Variants in PLEKHA8 observed in about 807,000 individuals in gnomAD.
PLEKHA8 encodes the protein pleckstrin homology domain-containing family A member 8.
Under a neutral mutation model 68.2 loss-of-function variants are expected in PLEKHA8, and 36 were observed. The observed-to-expected ratio is 0.53, with a 90% CI of 0.40 to 0.70. PLEKHA8 has a LOEUF of 0.70. Ranked by LOEUF, PLEKHA8 falls within the 30% of genes least tolerant of loss-of-function variation. PLEKHA8 has a pLI of 0.00. For missense variants in PLEKHA8, 505 were observed against 615.4 expected, an observed-to-expected ratio of 0.82 and a Z score of 1.90; for synonymous variants, 211 against 216.1, an observed-to-expected ratio of 0.98 and a Z score of 0.20.
downstream of PLEKHA8, chr7:30,130,414 G>A (rs974216342): frequency 1.3e-5 from 2 of 152,146 alleles, no homozygotes; most frequent in African/African-American, 4.8e-5. Flanking sequence ...TGAAAATACG[G>A]GCAAGGGGGA....
At chr7:30,056,383 TA>T (rs1308855063) in intron 9 of PLEKHA8, among the ~76,000 whole-genome samples, 11 of 142,400 alleles carry the variant, frequency 7.7e-5, no homozygotes, top group East Asian at 4.0e-4. Flanking sequence ...ATAACATATA[TA>T]TAATATATAT....
chr7:30,056,356 AAC>A (rs1350450565), intron 9 of PLEKHA8, among the ~76,000 whole-genome samples: 1 of 129,372 alleles, frequency 7.7e-6, no homozygotes. Context: ...TAATATATAT[AAC>A]ACATATATAT....
In PLEKHA8 at chr7:30,034,010, C is replaced by G. The variant is rs1191912214; in HGVS notation, c.40+5208C>G. 8.7e-5 allele frequency among the ~76,000 whole-genome samples: 3 copies of G among 34,660 alleles called. No individual in the cohort carries two copies. The Admixed American group carries it at 1.6e-3, about 19-fold the overall frequency. The allele number at this position is 34,660 out of a possible 152,430, so 22.7% of individuals were successfully genotyped here. A position where few individuals can be genotyped will look rare whatever the true frequency, so the allele number is the denominator to read the frequency against. On this transcript the variant is annotated intron_variant, in intron 1 of 13. Transcript: ENST00000449726. Reference sequence around the variant, plus strand: ...TTCATTACAGAGTTGTAAGAGGTTTCTTTTTTTTTTTTTTTTTTTTTTTTT... The same window carrying G: ...TTCATTACAGAGTTGTAAGAGGTTTGTTTTTTTTTTTTTTTTTTTTTTTTT...
intron 7 of PLEKHA8, among the ~76,000 whole-genome samples, chr7:30,054,478 A>T (rs538914161): frequency 1.3e-5 from 2 of 152,324 alleles, no homozygotes; most frequent in African/African-American, 4.8e-5. Flanking sequence ...GGGTTGAATG[A>T]TAATGAAAAT....
chr7:30,092,602 C>G (rs1795461291), downstream of PLEKHA8, among the ~76,000 whole-genome samples: 1 of 152,206 alleles, frequency 6.6e-6, no homozygotes, highest in Non-Finnish European at 1.5e-5. Flanking sequence ...ATTCTCCATA[C>G]TCCGGAGGAC....
At chr7:30,055,446 C>T in intron 9 of PLEKHA8, 104 bp downstream of exon 9, 1 of 987,846 alleles carries the variant, frequency 1.0e-6, no homozygotes, top group Non-Finnish European at 1.6e-6. Context: ...AGTGAGATGA[C>T]CCTTGGCTAT....
chr7:30,115,651 CACATACATGTAT>C (rs988245042), intron 13 of PLEKHA8, among the ~76,000 whole-genome samples: 6 of 151,136 alleles, frequency 4.0e-5, no homozygotes, highest in African/African-American at 1.5e-4. Context: ...CACACATGTA[CACATACATGTAT>C]ACGTGTATAC....
chr7:30,078,133 G>A (rs139717308), intron 13 of PLEKHA8, among the ~76,000 whole-genome samples: 44 of 152,126 alleles, frequency 2.9e-4, no homozygotes, highest in Admixed American at 3.9e-4. Flanking sequence ...TTCTTATGGG[G>A]GAAAAATAGA....
intron 12 of PLEKHA8, among the ~76,000 whole-genome samples, chr7:30,073,479 A>G (rs1023776243): frequency 1.4e-5 from 2 of 146,982 alleles, no homozygotes; most frequent in African/African-American, 5.0e-5. Context: ...CTTTATATGT[A>G]TTGACCTTTT....
Position 30,082,203 on chromosome 7 carries a change from C to G in PLEKHA8, c.*3416C>G. 2.0e-6 allele frequency: 2 copies of G among 985,360 alleles called. No individual in the cohort carries two copies. Among genetic ancestry groups the G allele is most frequent in the Non-Finnish European group, 2.4e-6 (2 of 829,892 alleles). The allele number at this position is 985,360 out of a possible 1,614,324, so 61.0% of individuals were successfully genotyped here. On this transcript the variant is annotated 3_prime_UTR_variant, in exon 14 of 14. Coordinates refer to ENST00000449726, the MANE Select transcript of PLEKHA8 (RefSeq NM_001197026.2). ...GCATGTTATTCTGATTATTAAACTTCCCCCAATGTCATATTCCATGATGAG... is the reference window on the plus strand; with the variant it reads ...GCATGTTATTCTGATTATTAAACTTGCCCCAATGTCATATTCCATGATGAG...
At chr7:30,063,674 A>G (rs1367975293) in intron 12 of PLEKHA8, among the ~76,000 whole-genome samples, 4 of 152,150 alleles carry the variant, frequency 2.6e-5, no homozygotes, top group Non-Finnish European at 5.9e-5. Context: ...TGCCCCATCT[A>G]GCAACTGCTG....
chr7:30,115,908 ATG>A (rs1562558325), intron 13 of PLEKHA8: 1 of 137,044 alleles, frequency 7.3e-6, no homozygotes, highest in Non-Finnish European at 1.6e-5. Flanking sequence ...GCATGTATAC[ATG>A]CATGCGTGCG....
chr7:30,052,363 G>A lies in PLEKHA8; in HGVS notation c.639-346G>A, dbSNP rs145599907. 3.0e-3 allele frequency among the ~76,000 whole-genome samples: 461 copies of A among 152,214 alleles called. 1 individual carries two copies. The highest frequency in any genetic ancestry group is 0.01 in the African/African-American group (428 of 41,524). On this transcript the variant is annotated intron_variant, in intron 6 of 13. Coordinates refer to ENST00000449726, the MANE Select transcript of PLEKHA8 (RefSeq NM_001197026.2). ...CAGTCAATTTATGACCAAGCTTGGCGAGGTGGCTCATGCCTGTAATCCCAG... is the reference window on the plus strand; with the variant it reads ...CAGTCAATTTATGACCAAGCTTGGCAAGGTGGCTCATGCCTGTAATCCCAG...
At chr7:30,126,631 C>T (rs562279730) in intron 13 of PLEKHA8, among the ~76,000 whole-genome samples, 8 of 152,300 alleles carry the variant, frequency 5.3e-5, no homozygotes, top group African/African-American at 1.9e-4. Context: ...CTGATAAAGA[C>T]ATACCCAAGA....
rs1032486971 is a variant in PLEKHA8, at chr7:30,082,288, T to C, written c.*3501T>C. The C allele has an allele frequency of 4.1e-6, 4 of 985,502 alleles. No homozygotes were observed. The African/African-American group carries it at 7.0e-5, about 17-fold the overall frequency. 61.0% of individuals were successfully genotyped at this position (985,502 alleles called of 1,614,324 possible). On this transcript the variant is annotated 3_prime_UTR_variant, in exon 14 of 14. Transcript: ENST00000449726. The stretch of plus-strand genomic sequence containing the variant: ...TTTCTCTCTTCTTTGCTACTGAAAA[T>C]TGCCAGCAGTACCGCCATCAGCACA...
intron 1 of PLEKHA8, among the ~76,000 whole-genome samples, chr7:30,036,182 G>T (rs552798049): frequency 3.3e-5 from 5 of 151,310 alleles, no homozygotes; most frequent in African/African-American, 1.2e-4. Flanking sequence ...TTTGAACCCA[G>T]AAGGTGGAGG....
At chr7:30,045,299 C>A in intron 2 of PLEKHA8, 98 bp downstream of exon 2, 1 of 857,504 alleles carries the variant, frequency 1.2e-6, no homozygotes, top group Non-Finnish European at 1.9e-6. Context: ...CTGCTGCTCC[C>A]ATAATACAGA....
At chr7:30,122,497 G>C (rs1017207951) in intron 13 of PLEKHA8, among the ~76,000 whole-genome samples, 8 of 152,090 alleles carry the variant, frequency 5.3e-5, no homozygotes, top group African/African-American at 1.7e-4. Context: ...CCTTGCACTT[G>C]TATGTATAGA....
At chr7:30,055,955 T>TG (rs1258750137) in intron 9 of PLEKHA8, among the ~76,000 whole-genome samples, 1 of 150,806 alleles carries the variant, frequency 6.6e-6, no homozygotes, top group East Asian at 2.0e-4. Context: ...CTTTTTTTTT[T>TG]TTTTTGAGAC....
Sources: gnomAD v4.1 joint callset for allele counts (sites outside exome capture counted in the v4.1 genomes callset) on GRCh38, gnomAD v4.1.1 for gene constraint, MANE v1.5 for transcripts, NCBI Gene and HGNC (gene_info 2026-07-23, HGNC 2026-07-21) for gene names.